Variants in DACH1 observed in about 807,000 individuals in gnomAD.
DACH1 encodes the protein dachshund family transcription factor 1.
In DACH1, 12 loss-of-function variants were observed where a neutral mutation model predicts 54.2. That is an observed-to-expected ratio of 0.22 (90% CI 0.14 to 0.36). The LOEUF (loss-of-function observed/expected upper bound fraction) is 0.36, where lower values mean the gene tolerates loss of function less well. DACH1 is among the 10% of genes least tolerant of loss of function. The probability of loss-of-function intolerance (pLI) is 1.00; values close to 1 mark genes in which losing one functional copy is unlikely to be tolerated. For synonymous variants in DACH1, 386 were observed against 366.2 expected (o/e 1.05, Z -0.62); for missense variants, 805 against 929.8 (o/e 0.87, Z 1.75).
At chr13:71,511,827 T>G (rs1175807577) in intron 6 of DACH1, among the ~76,000 whole-genome samples, 1 of 152,012 alleles carries the variant, frequency 6.6e-6, no homozygotes, top group Admixed American at 6.6e-5. Flanking sequence ...GAAACCAATC[T>G]TTTGTTTCAG....
intron 1 of DACH1, among the ~76,000 whole-genome samples, chr13:71,794,556 A>C (rs1367859496): frequency 1.3e-5 from 2 of 152,028 alleles, no homozygotes; most frequent in Non-Finnish European, 2.9e-5. Context: ...CTCTTGCCTC[A>C]TCTCTCATAC....
intron 3 of DACH1, among the ~76,000 whole-genome samples, chr13:71,620,737 T>C (rs1379680976): frequency 6.6e-6 from 1 of 152,028 alleles, no homozygotes; most frequent in Non-Finnish European, 1.5e-5. Flanking sequence ...AGTAAAGATA[T>C]AAATATTAAA....
At chr13:71,806,830 C>T (rs1158152446) in intron 1 of DACH1, among the ~76,000 whole-genome samples, 3 of 152,088 alleles carry the variant, frequency 2.0e-5, no homozygotes, top group African/African-American at 7.2e-5. Flanking sequence ...AAATTAGATC[C>T]AAAGTGATGG....
intron 1 of DACH1, among the ~76,000 whole-genome samples, chr13:71,709,273 A>G (rs1882599876): frequency 6.6e-6 from 1 of 152,162 alleles, no homozygotes; most frequent in Admixed American, 6.5e-5. Context: ...AATGCGTTAT[A>G]TATACAGTAG....
chr13:71,692,010 TACACACACAC>T (rs34800453), intron 1 of DACH1, among the ~76,000 whole-genome samples: 29 of 140,122 alleles, frequency 2.1e-4, no homozygotes, highest in African/African-American at 6.3e-4. Context: ...AGCCCCCCAT[TACACACACAC>T]ACACACACAC....
rs536444380 is a variant in DACH1 at position 71,718,302 on chromosome 13, C to T, written c.849-36392G>A. Among the ~76,000 whole-genome samples the T allele has an allele frequency of 5.9e-5, 9 of 152,062 alleles. No homozygotes were observed. The East Asian group carries it at 9.7e-4, about 16-fold the overall frequency. On this transcript the variant is annotated intron_variant, in intron 1 of 10. Coordinates refer to ENST00000613252, the MANE Select transcript of DACH1 (RefSeq NM_080759.6). ...TTAGACTTAAAAAAAAGCTCTCTTCCGGCTGGGCACACTGGCTCACACGTG... is the reference window on the plus strand; with the variant it reads ...TTAGACTTAAAAAAAAGCTCTCTTCTGGCTGGGCACACTGGCTCACACGTG...
At chr13:71,657,402 G>A (rs1879185389) in intron 2 of DACH1, among the ~76,000 whole-genome samples, 1 of 151,878 alleles carries the variant, frequency 6.6e-6, no homozygotes, top group Admixed American at 6.6e-5. Flanking sequence ...TGAGATGGGA[G>A]GATTGCTAGA....
At chr13:71,485,435 T>G (rs1406487224) in intron 7 of DACH1, among the ~76,000 whole-genome samples, 1 of 150,704 alleles carries the variant, frequency 6.6e-6, no homozygotes, top group East Asian at 1.9e-4. Context: ...AAAAATCTGG[T>G]GCCCAATTTT....
chr13:71,453,033 T>TGTGTGTGTCTTCTAATTAAATATTCATTA (rs1875217160), intron 10 of DACH1, among the ~76,000 whole-genome samples: 2 of 152,218 alleles, frequency 1.3e-5, no homozygotes, highest in Admixed American at 1.3e-4. Flanking sequence ...AAAGTATTTT[T>TGTGTGTGTCTTCTAATTAAATATTCATTA]GTGTGTGTCT....
intron 1 of DACH1, chr13:71,846,129 T>G (rs535247348): frequency 5.5e-6 from 1 of 181,810 alleles, no homozygotes; most frequent in Admixed American, 5.6e-5. Context: ...AGAGATGCGC[T>G]TATGTACACA....
At chr13:71,755,312 T>C (rs1317907525) in intron 1 of DACH1, among the ~76,000 whole-genome samples, 2 of 152,174 alleles carry the variant, frequency 1.3e-5, no homozygotes, top group Non-Finnish European at 2.9e-5. Context: ...GTTATACAGG[T>C]AGCTATTTAA....
chr13:71,580,475 C>A (rs982081401), intron 3 of DACH1, among the ~76,000 whole-genome samples: 8 of 152,044 alleles, frequency 5.3e-5, no homozygotes, highest in African/African-American at 1.9e-4. Context: ...TGTTTTTATG[C>A]TCATGTACAA....
At chr13:71,856,014 A>G (rs1258441772) in intron 1 of DACH1, among the ~76,000 whole-genome samples, 1 of 151,980 alleles carries the variant, frequency 6.6e-6, no homozygotes, top group African/African-American at 2.4e-5. Flanking sequence ...ATAGCATGAG[A>G]AAACTTAAAT....
chr13:71,525,316 C>G (rs1054439772), intron 6 of DACH1, among the ~76,000 whole-genome samples: 3 of 152,124 alleles, frequency 2.0e-5, no homozygotes, highest in African/African-American at 7.2e-5. Context: ...CTGCCTTGCT[C>G]AGAGCCTGTG....
At chr13:71,506,670 A>G (rs533451144) in intron 6 of DACH1, among the ~76,000 whole-genome samples, 75 of 152,270 alleles carry the variant, frequency 4.9e-4, no homozygotes, top group Non-Finnish European at 9.7e-4. Context: ...ACAAGGCTAC[A>G]GTAACCAAAG....
chr13:71,748,949 T>C (rs1884792226), intron 1 of DACH1, among the ~76,000 whole-genome samples: 2 of 45,532 alleles, frequency 4.4e-5, no homozygotes, highest in Non-Finnish European at 9.4e-5. Context: ...TCTTTCTTTC[T>C]TTCTCTCTTT....
intron 1 of DACH1, among the ~76,000 whole-genome samples, chr13:71,857,540 T>C (rs1295449995): frequency 2.0e-5 from 3 of 151,726 alleles, no homozygotes; most frequent in Non-Finnish European, 4.4e-5. Context: ...ACGACAATTA[T>C]TTAAAGCATA....
intron 3 of DACH1, among the ~76,000 whole-genome samples, chr13:71,613,449 T>C (rs1875492249): frequency 6.6e-6 from 1 of 152,138 alleles, no homozygotes; most frequent in Non-Finnish European, 1.5e-5. Context: ...ATCTTATGAA[T>C]GAATTTATGC....
In DACH1 at chr13:71,489,023, T is replaced by C. The variant is rs369796985; in HGVS notation, c.1696A>G (p.Ile566Val). 4.3e-6 allele frequency: 7 copies of C among 1,613,644 alleles called. No homozygotes were observed. Among genetic ancestry groups the C allele is most frequent in the Middle Eastern group, 1.6e-4 (1 of 6,084 alleles). Reference sequence around the variant, plus strand: ...TGTATGTTAGTCAGAAGAGTCTCGATGGAAGACAGTCCATCAGGAAACAGA... The same window carrying C: ...TGTATGTTAGTCAGAAGAGTCTCGACGGAAGACAGTCCATCAGGAAACAGA... ...PFLFPDGLSS[I>V]ETLLTNIQGL... Residue 566 changes from isoleucine to valine, a missense_variant, in exon 7 of 11, where the codon ATC becomes GTC. Physicochemically the swap from Ile to Val is conservative, Grantham distance 29 (BLOSUM62 3). Transcript: ENST00000613252.
Sources: allele counts gnomAD v4.1 joint callset (sites outside exome capture counted in the v4.1 genomes callset), GRCh38; gene constraint gnomAD v4.1.1; transcripts MANE v1.5; gene names NCBI Gene and HGNC (gene_info 2026-07-23, HGNC 2026-07-21).